NCR1: variants seen among roughly 807,000 people sequenced by gnomAD.
The protein encoded by NCR1 is NK cell-activating receptor.
In NCR1, 30 loss-of-function variants were observed where a neutral mutation model predicts 32.5. The observed-to-expected ratio is 0.92, with a 90% confidence interval of 0.69 to 1.25. The LOEUF (loss-of-function observed/expected upper bound fraction) is 1.25. Ranked by LOEUF, NCR1 falls within the 50% of genes most tolerant of loss-of-function variation. The pLI, the probability that NCR1 is intolerant of heterozygous loss-of-function variation, is 0.00. For missense variants in NCR1, 369 were observed against 380.7 expected (o/e 0.97, Z 0.26); for synonymous variants, 169 against 143.4 (o/e 1.18, Z -1.28).
the NCR1 span, chr19:54,930,713 C>T: frequency 9.8e-6 from 15 of 1,535,934 alleles, no homozygotes; most frequent in Admixed American, 1.3e-4. Flanking sequence ...CTCTGGCTAA[C>T]GCCCTGTGAA....
chr19:54,909,186 A>C lies in NCR1; in HGVS notation c.356-59A>C, dbSNP rs116299914. 6.6e-6 allele frequency: 10 copies of C among 1,522,770 alleles called. No individual in the cohort carries two copies. In the African/African-American group the frequency reaches 7.0e-5, roughly 11 times the overall value. The allele number at this position is 1,522,770 out of a possible 1,614,324, so 94.3% of individuals were successfully genotyped here. A position where few individuals can be genotyped will look rare whatever the true frequency, so the allele number is the denominator to read the frequency against. Reference sequence around the variant, plus strand: ...CTCCATCTCTAAAGAAAGAAAAAAAAAAATAGCTGGCTGCTCATCACTGAG... The same window carrying C: ...CTCCATCTCTAAAGAAAGAAAAAAACAAATAGCTGGCTGCTCATCACTGAG... On this transcript the variant is annotated intron_variant, in intron 3 of 6. Coordinates refer to ENST00000291890, the MANE Select transcript of NCR1 (RefSeq NM_004829.7).
In NCR1 at chr19:54,909,378, C is replaced by G. The variant is rs768519312; in HGVS notation, c.489C>G (p.His163Gln). Residue 163 changes from histidine to glutamine, a missense_variant, in exon 4 of 7, where the codon CAC (histidine) becomes CAG (glutamine). By Grantham distance (24) the His-to-Gln change is conservative. Coordinates refer to ENST00000291890, the MANE Select transcript of NCR1 (RefSeq NM_004829.7). ...TGCTCAAGGAGGGAAGATCCAGCCA[C>G]GTACAGCGCGGATACGGGAAGGTCC... ...FLLLKEGRSS[H>Q]VQRGYGKVQA... is the part of the protein sequence containing the mutation. 1 of 1,614,074 alleles carries G rather than the reference C, an allele frequency of 6.2e-7. No homozygotes were observed. Among genetic ancestry groups the G allele is most frequent in the South Asian group, 1.1e-5 (1 of 91,076 alleles).
upstream of NCR1, among the ~76,000 whole-genome samples, chr19:54,903,352 A>ATATATGCG (rs2067344522): frequency 1.7e-5 from 2 of 114,420 alleles, no homozygotes; most frequent in Non-Finnish European, 3.6e-5. Context: ...ACATATATGC[A>ATATATGCG]TATATACATA....
At chr19:54,916,897 ACTGGTGGC>A (rs2146107731), downstream of NCR1, among the ~76,000 whole-genome samples, 1 of 150,426 alleles carries the variant, frequency 6.6e-6, no homozygotes, top group Admixed American at 6.6e-5. Context: ...CATAACCCAC[ACTGGTGGC>A]CTTTGTTCTG....
chr19:54,899,202 T>A, the NCR1 span, among the ~76,000 whole-genome samples: 1 of 152,192 alleles, frequency 6.6e-6, no homozygotes, highest in East Asian at 1.9e-4. Flanking sequence ...TCTTGTAGGA[T>A]GGAAAAATTG....
the NCR1 span, among the ~76,000 whole-genome samples, chr19:54,898,298 G>A: frequency 6.6e-6 from 1 of 152,212 alleles, no homozygotes; most frequent in Admixed American, 6.5e-5. Context: ...AGGAATCCCA[G>A]GCTGTGGACA....
chr19:54,908,216 T>C (rs2067737058), intron 3 of NCR1, among the ~76,000 whole-genome samples: 1 of 152,134 alleles, frequency 6.6e-6, no homozygotes, highest in Admixed American at 6.6e-5. Context: ...CCTTCAAGCA[T>C]CTGTTTAACA....
the NCR1 span, chr19:54,934,368 G>GTAAT: frequency 1.0e-6 from 1 of 989,394 alleles, no homozygotes; most frequent in Non-Finnish European, 1.6e-6. The surrounding 1 kb of genome is among the most constrained non-coding windows in gnomAD (Gnocchi z 6.7). Flanking sequence ...TGCCGGGCCT[G>GTAAT]AAGCAGGTGT....
At chr19:54,922,909 C>A in the NCR1 span, among the ~76,000 whole-genome samples, 2 of 150,490 alleles carry the variant, frequency 1.3e-5, no homozygotes, top group African/African-American at 4.9e-5. Context: ...CAGAAACAGA[C>A]ACAGAGACAG....
At chr19:54,938,141 T>A in the NCR1 span, 3 of 1,613,902 alleles carry the variant, frequency 1.9e-6, no homozygotes, top group Non-Finnish European at 2.5e-6. Flanking sequence ...TCCAGAAACT[T>A]GAGGTTGCTG....
At chr19:54,906,407 G>A (rs908603209) in intron 2 of NCR1, 73 bp downstream of exon 2, 2 of 1,605,070 alleles carry the variant, frequency 1.2e-6, no homozygotes, top group Admixed American at 1.7e-5. Flanking sequence ...AAGCACGGCT[G>A]GGGTGAGGGG....
the NCR1 span, among the ~76,000 whole-genome samples, chr19:54,935,154 T>A: frequency 0.36 from 55,177 of 151,902 alleles, 11,149 homozygotes; most frequent in African/African-American, 0.53. Context: ...ATCCAGCCAC[T>A]TCTCCAAGAG....
chr19:54,916,533 C>T (rs1486954622), downstream of NCR1, among the ~76,000 whole-genome samples: 1 of 151,022 alleles, frequency 6.6e-6, no homozygotes, highest in South Asian at 2.1e-4. Context: ...TGGTCTCAAA[C>T]TCCTGGTCTC....
chr19:54,909,859 C>A (rs587629105), intron 4 of NCR1, among the ~76,000 whole-genome samples, 159 bp from the exon 5 acceptor site: 2 of 132,122 alleles, frequency 1.5e-5, no homozygotes, highest in South Asian at 2.5e-4. Flanking sequence ...CGCTTGAACC[C>A]GGGAGGCGGG....
intron 3 of NCR1, among the ~76,000 whole-genome samples, chr19:54,908,680 C>T (rs1217860258): frequency 5.0e-5 from 7 of 140,782 alleles, no homozygotes; most frequent in Admixed American, 3.7e-4. Flanking sequence ...GAGACAGTCT[C>T]GCTGCAGTGC....
At chr19:54,934,044 C>T in the NCR1 span, among the ~76,000 whole-genome samples, 1 of 152,150 alleles carries the variant, frequency 6.6e-6, no homozygotes, top group Non-Finnish European at 1.5e-5. This position sits in a 1 kb window ranked among gnomAD's most constrained non-coding sequence, Gnocchi z 6.7. Context: ...CCCAGGTTTA[C>T]ACCATTCTGC....
At chr19:54,908,555 C>T (rs1221769702) in intron 3 of NCR1, among the ~76,000 whole-genome samples, 40 of 151,548 alleles carry the variant, frequency 2.6e-4, no homozygotes, top group Non-Finnish European at 4.0e-4. Flanking sequence ...ACTTCCCAGA[C>T]GGGGCGGCCG....
At chr19:54,919,069 CATT>C (rs1297725573), downstream of NCR1, among the ~76,000 whole-genome samples, 1 of 151,764 alleles carries the variant, frequency 6.6e-6, no homozygotes, top group Non-Finnish European at 1.5e-5. Context: ...CTGGAAATGA[CATT>C]ATTTCATTCC....
At chr19:54,916,017 GA>G (rs773165998), downstream of NCR1, 3,830 of 124,186 alleles carry the variant, frequency 0.031, 125 homozygotes, top group African/African-American at 0.095. Flanking sequence ...TTCCTAATAA[GA>G]AAAAAAAAAA....
Sources: allele counts gnomAD v4.1 joint callset (sites outside exome capture counted in the v4.1 genomes callset), GRCh38; gene constraint gnomAD v4.1.1; non-coding constraint Gnocchi (gnomAD v3.1); transcripts MANE v1.5; gene names NCBI Gene and HGNC (gene_info 2026-07-23, HGNC 2026-07-21).